Variants in OSTF1 observed in about 807,000 individuals in gnomAD.
OSTF1 encodes osteoclast stimulating factor 1.
In OSTF1, 27 loss-of-function variants were observed where a neutral mutation model predicts 37.2. The ratio of observed to expected loss-of-function variants is 0.73; its 90% CI spans 0.54 to 1.00. The LOEUF is 1.00. Ranked by LOEUF, OSTF1 falls within the 50% of genes least tolerant of loss-of-function variation. The pLI is 0.00. For missense variants in OSTF1, 232 were observed against 253.8 expected, an observed-to-expected ratio of 0.91 and a Z score of 0.58; for synonymous variants, 82 against 89.2, an observed-to-expected ratio of 0.92 and a Z score of 0.46.
At chr9:75,112,739 T>A (rs17060830) in intron 1 of OSTF1, among the ~76,000 whole-genome samples, 5,686 of 152,268 alleles carry the variant, frequency 0.037, 148 homozygotes, top group African/African-American at 0.068. Flanking sequence ...TTTTGTTGAA[T>A]TTCACCTAAA....
At chr9:75,133,165 G>T in intron 5 of OSTF1, 129 bp from the exon 6 acceptor site, 1 of 595,152 alleles carries the variant, frequency 1.7e-6, no homozygotes, top group Non-Finnish European at 3.0e-6. Context: ...TAATGGGGAG[G>T]TCTTAATTTA....
intron 8 of OSTF1, among the ~76,000 whole-genome samples, chr9:75,140,442 A>G (rs1194156723): frequency 6.6e-6 from 1 of 152,226 alleles, no homozygotes; most frequent in East Asian, 1.9e-4. Flanking sequence ...TTTGCATGAG[A>G]GCAGACTTAC....
intron 1 of OSTF1, among the ~76,000 whole-genome samples, chr9:75,111,894 G>A (rs1322292351): frequency 7.8e-6 from 1 of 127,900 alleles, no homozygotes; most frequent in Non-Finnish European, 1.6e-5. Flanking sequence ...TGTGATCTCG[G>A]CTCACTACCA....
intron 9 of OSTF1, among the ~76,000 whole-genome samples, chr9:75,141,390 A>T (rs115967967): frequency 1.3e-5 from 2 of 149,778 alleles, no homozygotes; most frequent in East Asian, 2.0e-4. Context: ...CTTGATCTTA[A>T]TGAGAACCCC....
intron 1 of OSTF1, among the ~76,000 whole-genome samples, chr9:75,094,720 A>G (rs1026820929): frequency 6.6e-6 from 1 of 152,176 alleles, no homozygotes; most frequent in Non-Finnish European, 1.5e-5. Context: ...TGAGGTGTCA[A>G]GATTCTCTTA....
At chr9:75,117,840 T>C (rs1825516751) in intron 2 of OSTF1, among the ~76,000 whole-genome samples, 1 of 152,234 alleles carries the variant, frequency 6.6e-6, no homozygotes, top group Admixed American at 6.5e-5. Context: ...GTCTTAGTCA[T>C]CTTTCTTCTG....
Position 75,147,113 on chromosome 9 carries a change from G to GA in OSTF1, c.*375dup, listed in dbSNP as rs1163216740. ...TTTTGAATGGATTTTTCAAGGGGGG[G>GA]AAATGCTTATTATAATAATAAACCA... On this transcript the variant is annotated 3_prime_UTR_variant, in exon 10 of 10. Transcript: ENST00000346234. The GA allele has an allele frequency of 6.5e-6, 1 of 153,300 alleles. No homozygotes were observed. Among genetic ancestry groups the GA allele is most frequent in the Non-Finnish European group, 1.4e-5 (1 of 70,370 alleles). 9.5% of individuals were successfully genotyped at this position (153,300 alleles called of 1,614,324 possible). A position where few individuals can be genotyped will look rare whatever the true frequency, so the allele number is the denominator to read the frequency against.
intron 5 of OSTF1, among the ~76,000 whole-genome samples, chr9:75,132,398 G>C (rs1825774910): frequency 1.3e-5 from 2 of 152,132 alleles, no homozygotes; most frequent in African/African-American, 4.8e-5. Context: ...CTCAGCTAGG[G>C]GTGATTCCTC....
intron 9 of OSTF1, among the ~76,000 whole-genome samples, chr9:75,141,312 CAAAA>C (rs529293090): frequency 0.35 from 25,350 of 71,842 alleles, 2,121 homozygotes; most frequent in Middle Eastern, 0.42. Context: ...AAAAGAAAAC[CAAAA>C]AAAAAAAAAA....
intron 1 of OSTF1, among the ~76,000 whole-genome samples, chr9:75,094,665 A>T (rs201408930): frequency 1.1e-5 from 1 of 88,024 alleles, no homozygotes; most frequent in African/African-American, 3.7e-5. Context: ...AGACTACATT[A>T]AAAAAAAAAT....
intron 1 of OSTF1, among the ~76,000 whole-genome samples, chr9:75,114,986 C>T (rs1825456374): frequency 6.6e-6 from 1 of 152,194 alleles, no homozygotes; most frequent in African/African-American, 2.4e-5. Flanking sequence ...ATTCATAAAA[C>T]AACAAAAATA....
intron 1 of OSTF1, among the ~76,000 whole-genome samples, chr9:75,108,644 CT>C (rs1272131322): frequency 2.0e-5 from 3 of 152,040 alleles, no homozygotes; most frequent in Admixed American, 2.0e-4. Flanking sequence ...CCATTGTATT[CT>C]TTGTGGGACT....
intron 1 of OSTF1, among the ~76,000 whole-genome samples, chr9:75,096,021 GGCTGGGACTGCAGGCGCCCGC>G (rs1564152878): frequency 1.3e-5 from 2 of 151,908 alleles, no homozygotes; most frequent in African/African-American, 4.8e-5. Context: ...CCTCCTGAGT[GGCTGGGACTGCAGGCGCCCGC>G]CACCACGCCT....
chr9:75,131,306 A>T (rs1223798122), intron 4 of OSTF1, among the ~76,000 whole-genome samples: 1 of 152,246 alleles, frequency 6.6e-6, no homozygotes, highest in African/African-American at 2.4e-5. Flanking sequence ...TTCTGAATAC[A>T]GGAAGCAAAA....
intron 1 of OSTF1, 95 bp downstream of exon 1, chr9:75,088,821 C>G: frequency 8.0e-7 from 1 of 1,255,502 alleles, no homozygotes; most frequent in African/African-American, 1.5e-5. Flanking sequence ...GGCGCGCACC[C>G]GGCCCCGAGC....
chr9:75,132,836 G>C (rs1040661714), intron 5 of OSTF1, among the ~76,000 whole-genome samples: 2 of 152,048 alleles, frequency 1.3e-5, no homozygotes, highest in African/African-American at 4.8e-5. Context: ...AGGTTATTTA[G>C]CCTTTCTTAT....
chr9:75,102,690 C>G (rs1394795489), intron 1 of OSTF1, among the ~76,000 whole-genome samples: 1 of 152,186 alleles, frequency 6.6e-6, no homozygotes, highest in East Asian at 1.9e-4. Flanking sequence ...AGACCCTGCT[C>G]TTTATTCTGG....
At chr9:75,135,903 A>T (rs1204917506) in intron 7 of OSTF1, among the ~76,000 whole-genome samples, 1 of 152,204 alleles carries the variant, frequency 6.6e-6, no homozygotes, top group Non-Finnish European at 1.5e-5. Flanking sequence ...AGCTCACAGT[A>T]TGGCTGTTTG....
chr9:75,117,269 A>C (rs759314700), intron 1 of OSTF1, among the ~76,000 whole-genome samples: 10 of 152,164 alleles, frequency 6.6e-5, no homozygotes, highest in Admixed American at 3.3e-4. Context: ...TGGCCATCTT[A>C]TGGTGGTATA....
Sources: gnomAD v4.1 joint callset for allele counts (sites outside exome capture counted in the v4.1 genomes callset) on GRCh38, gnomAD v4.1.1 for gene constraint, MANE v1.5 for transcripts, NCBI Gene and HGNC (gene_info 2026-07-23, HGNC 2026-07-21) for gene names.